The following ATAT1 variants were observed in gnomAD, a reference collection of about 807,000 sequenced individuals.
ATAT1 encodes the protein alpha tubulin acetyltransferase 1.
In ATAT1, 42 loss-of-function variants were observed where a neutral mutation model predicts 57.2. The ratio of observed to expected loss-of-function variants is 0.73; its 90% CI spans 0.57 to 0.95. ATAT1 has a LOEUF of 0.95. ATAT1 is among the 40% of genes least tolerant of loss of function. The pLI, the probability that ATAT1 is intolerant of heterozygous loss-of-function variation, is 0.00. For missense variants in ATAT1, 454 were observed against 523.7 expected, an observed-to-expected ratio of 0.87 and a Z score of 1.30; for synonymous variants, 168 against 187.1, an observed-to-expected ratio of 0.90 and a Z score of 0.83.
chr6:30,643,829 A>T, intron 10 of ATAT1: 1 of 1,324,692 alleles, frequency 7.5e-7, no homozygotes, highest in Non-Finnish European at 9.6e-7. Context: ...ATCTGTTGCC[A>T]GACTTCTTGG....
rs748116898 is a variant in ATAT1 at position 30,627,162 on chromosome 6, C to T, written c.-42C>T. The T allele has an allele frequency of 3.1e-6, 5 of 1,612,630 alleles. No homozygotes were observed. In the East Asian group the frequency reaches 1.1e-4, roughly 36 times the overall value. ...TAGTGGGATTGATCAGCGCTTGGATCTGTGACCTTTCACCCCGGGCCCAAA... is the reference window on the plus strand; with the variant it reads ...TAGTGGGATTGATCAGCGCTTGGATTTGTGACCTTTCACCCCGGGCCCAAA... On this transcript the variant is annotated 5_prime_UTR_variant, in exon 1 of 13. Transcript: ENST00000330083.
Position 30,642,833 on chromosome 6 carries a change from G to GGGGCCCCCCCCCCCCCCCCCCCCCCC in ATAT1, c.754_755insGGGCCCCCCCCCCCCCCCCCCCCCCC (p.Ala252GlyfsTer76). The GGGGCCCCCCCCCCCCCCCCCCCCCCC allele has an allele frequency of 6.5e-7, 1 of 1,537,872 alleles. No homozygotes were observed. The highest frequency in any genetic ancestry group is 8.7e-7 in the Non-Finnish European group (1 of 1,145,780). ...GGCCCCTCGCCGCGCCACACCTCCA[G>GGGGCCCCCCCCCCCCCCCCCCCCCCC]CCCACCCACCCCCCCGCTCCAGCAG... On this transcript the variant is annotated frameshift_variant, in exon 10 of 13. Coordinates refer to ENST00000330083, the MANE Select transcript of ATAT1 (RefSeq NM_001031722.4). LOFTEE classifies it high-confidence loss of function.
chr6:30,635,693 CT>C (rs949046184), intron 6 of ATAT1, among the ~76,000 whole-genome samples: 2 of 152,066 alleles, frequency 1.3e-5, no homozygotes, highest in Non-Finnish European at 2.9e-5. Context: ...TCAAATGCTG[CT>C]GATCAAGGAG....
chr6:30,640,500 C>T, intron 7 of ATAT1, 35 bp from the exon 8 acceptor site: 2 of 1,612,864 alleles, frequency 1.2e-6, no homozygotes, highest in Non-Finnish European at 1.7e-6. Context: ...CTGCCGACCC[C>T]TCACTGAGGG....
chr6:30,631,329 A>G (rs373088649), intron 6 of ATAT1, among the ~76,000 whole-genome samples: 40 of 152,050 alleles, frequency 2.6e-4, no homozygotes, highest in African/African-American at 9.2e-4. Flanking sequence ...TAAAAAAAAT[A>G]CAAAAAAATT....
chr6:30,627,062 C>G lies in ATAT1; in HGVS notation c.-142C>G. 1 of 1,548,616 alleles carries G rather than the reference C, an allele frequency of 6.5e-7. No homozygotes were observed. Among genetic ancestry groups the G allele is most frequent in the South Asian group, 1.2e-5 (1 of 84,644 alleles). ...CTCCAAACCTGGTCCAGGCACCACG[C>G]CCCCTTCTCACTGACTAGTGATCGC... is the stretch of plus-strand genomic sequence containing the variant. On this transcript the variant is annotated 5_prime_UTR_variant, in exon 1 of 13. Coordinates refer to ENST00000330083, the MANE Select transcript of ATAT1 (RefSeq NM_001031722.4).
intron 6 of ATAT1, among the ~76,000 whole-genome samples, chr6:30,632,253 A>G (rs187143868): frequency 7.0e-6 from 1 of 143,544 alleles, no homozygotes; most frequent in Admixed American, 7.3e-5. Context: ...TGGGCGACAG[A>G]GCAAGACTCC....
At chr6:30,643,725 C>G in intron 10 of ATAT1, 1 of 1,432,310 alleles carries the variant, frequency 7.0e-7, no homozygotes, top group Non-Finnish European at 9.2e-7. Context: ...ATGTCAGGGT[C>G]TCAAACTGCC....
At chr6:30,644,196 C>T in intron 10 of ATAT1, 1 of 985,822 alleles carries the variant, frequency 1.0e-6, no homozygotes. Context: ...ACTGGTGTTG[C>T]TTTGGGGTCT....
In ATAT1 at chr6:30,642,983, G is replaced by A; in HGVS notation, c.904G>A (p.Gly302Ser). 1.9e-6 allele frequency: 3 copies of A among 1,613,952 alleles called. No homozygotes were observed. The highest frequency in any genetic ancestry group is 2.5e-6 in the Non-Finnish European group (3 of 1,179,982). Residue 302 changes from glycine to serine, a missense_variant, in exon 10 of 13, where the codon GGC becomes AGC. Transcript: ENST00000330083. ...CCTTCTGTTGGCTGCTGACCCTGGGGGCAGCCCAGCTCAACGTCGTCGCAC... is the reference window on the plus strand; with the variant it reads ...CCTTCTGTTGGCTGCTGACCCTGGGAGCAGCCCAGCTCAACGTCGTCGCAC...
chr6:30,638,878 T>C (rs1764747614), intron 6 of ATAT1, among the ~76,000 whole-genome samples: 1 of 152,226 alleles, frequency 6.6e-6, no homozygotes, highest in Non-Finnish European at 1.5e-5. Flanking sequence ...TATAATGAAG[T>C]AACTCTAAAA....
In ATAT1 at chr6:30,642,837, A is replaced by AACCC; in HGVS notation, c.758_759insACCC (p.His253GlnfsTer48). 6.2e-6 allele frequency: 2 copies of AACCC among 320,346 alleles called. No homozygotes were observed. The highest frequency in any genetic ancestry group is 1.0e-5 in the Non-Finnish European group (2 of 191,752). 19.8% of individuals were successfully genotyped at this position (320,346 alleles called of 1,614,324 possible). On this transcript the variant is annotated frameshift_variant, in exon 10 of 13. Coordinates refer to ENST00000330083, the MANE Select transcript of ATAT1 (RefSeq NM_001031722.4). LOFTEE classifies it high-confidence loss of function. ...CCTCGCCGCGCCACACCTCCAGCCCACCCACCCCCCCGCTCCAGCAGCCTG... is the reference window on the plus strand; with the variant it reads ...CCTCGCCGCGCCACACCTCCAGCCCAACCCCCCACCCCCCCGCTCCAGCAGCCTG...
At position 30,642,999 on chromosome 6, in the gene ATAT1, G is replaced by A. The variant is rs141966736; in HGVS notation, c.920G>A (p.Arg307His). Reference sequence around the variant, plus strand: ...GACCCTGGGGGCAGCCCAGCTCAACGTCGTCGCACCAGGTAATAGGAGTTG... The same window carrying A: ...GACCCTGGGGGCAGCCCAGCTCAACATCGTCGCACCAGGTAATAGGAGTTG... The change falls in exon 10 of 13, where the codon CGT becomes CAT. Residue 307 changes from arginine to histidine, a missense_variant. Physicochemically the swap from Arg to His is conservative, Grantham distance 29. Around this residue, in one of 3 missense-constraint regions of ATAT1, gnomAD observed 216 missense variants for 222.2 expected, o/e 0.97. Coordinates refer to ENST00000330083, the MANE Select transcript of ATAT1 (RefSeq NM_001031722.4). 9.2e-4 allele frequency: 1,481 copies of A among 1,612,810 alleles called. 3 individuals are homozygous for A. Among genetic ancestry groups the A allele is most frequent in the Non-Finnish European group, 1.2e-3 (1,401 of 1,179,524 alleles).
In ATAT1 at chr6:30,644,469, T is replaced by G. The variant is rs373524826; in HGVS notation, c.933-1426T>G. ...GACCTTCCCTGCTCCATGCCCAGAGTATAGCTAGATCCCTTCCCCTCCCTA... is the reference window on the plus strand; with the variant it reads ...GACCTTCCCTGCTCCATGCCCAGAGGATAGCTAGATCCCTTCCCCTCCCTA... On this transcript the variant is annotated intron_variant, in intron 10 of 12. Coordinates refer to ENST00000330083, the MANE Select transcript of ATAT1 (RefSeq NM_001031722.4). 2.7e-4 allele frequency: 267 copies of G among 985,748 alleles called. 5 individuals carry two copies. In the South Asian group the frequency reaches 9.1e-3, roughly 34 times the overall value. 61.1% of individuals were successfully genotyped at this position (985,748 alleles called of 1,614,324 possible).
At chr6:30,628,280 C>G in intron 5 of ATAT1, 49 bp from the exon 6 acceptor site, 3 of 1,580,082 alleles carry the variant, frequency 1.9e-6, no homozygotes, top group Non-Finnish European at 2.6e-6. Flanking sequence ...TTCCTGTTGG[C>G]ATGCTTTCCC....
chr6:30,630,039 T>G lies in ATAT1; in HGVS notation c.501+1609T>G, dbSNP rs367989960. Among the ~76,000 whole-genome samples the G allele has an allele frequency of 2.4e-4, 37 of 152,350 alleles. 1 individual carries two copies. The highest frequency in any genetic ancestry group is 8.7e-4 in the African/African-American group (36 of 41,590). ...ACTAAGTGCAGCAAAATGTTACTAA[T>G]GCTACCCATTCATCCAATAAACATT... On this transcript the variant is annotated intron_variant, in intron 6 of 12. Coordinates refer to ENST00000330083, the MANE Select transcript of ATAT1 (RefSeq NM_001031722.4).
intron 6 of ATAT1, among the ~76,000 whole-genome samples, chr6:30,629,216 C>T (rs1397206781): frequency 6.6e-6 from 1 of 150,740 alleles, no homozygotes; most frequent in Non-Finnish European, 1.5e-5. Flanking sequence ...GATTCTTTAC[C>T]ACAAGTTGTT....
intron 9 of ATAT1, 47 bp from the exon 10 acceptor site, chr6:30,642,721 C>CT (rs752027480): frequency 7.9e-7 from 1 of 1,263,628 alleles, no homozygotes; most frequent in Admixed American, 1.7e-5. Flanking sequence ...GACTCTCTTC[C>CT]TTTTTTCTTC....
chr6:30,646,682 C>A lies in ATAT1; in HGVS notation c.*39C>A. On this transcript the variant is annotated 3_prime_UTR_variant, in exon 13 of 13. Transcript: ENST00000330083. ...AAACATCTTCAAAGTATTATTTCTC[C>A]CTCACTACAGGAAAGAGCCAAAGCC... 2 of 1,502,982 alleles carry A rather than the reference C, an allele frequency of 1.3e-6. No individual in the cohort carries two copies. Among genetic ancestry groups the A allele is most frequent in the Non-Finnish European group, 1.8e-6 (2 of 1,119,238 alleles). 93.1% of individuals were successfully genotyped at this position (1,502,982 alleles called of 1,614,324 possible). A position where few individuals can be genotyped will look rare whatever the true frequency, so the allele number is the denominator to read the frequency against.
Sources: allele counts gnomAD v4.1 joint callset (sites outside exome capture counted in the v4.1 genomes callset), GRCh38; gene constraint gnomAD v4.1.1; regional missense constraint gnomAD v4.1.1; transcripts MANE v1.5; gene names NCBI Gene and HGNC (gene_info 2026-07-23, HGNC 2026-07-21).